TANC2: variants seen among roughly 807,000 people sequenced by gnomAD.
TANC2 encodes tetratricopeptide repeat, ankyrin repeat and coiled-coil containing 2, also known as protein TANC2.
Under a neutral mutation model 210.5 loss-of-function variants are expected in TANC2, and 26 were observed. That is an observed-to-expected ratio of 0.12 (90% CI 0.09 to 0.17). The LOEUF (loss-of-function observed/expected upper bound fraction) is 0.17. Ranked by LOEUF, TANC2 falls within the 10% of genes least tolerant of loss-of-function variation. The pLI is 1.00. For synonymous variants in TANC2, 931 were observed against 967.1 expected (o/e 0.96, Z 0.69); for missense variants, 2,129 against 2,608.9 (o/e 0.82, Z 4.01).
intron 4 of TANC2, chr17:63,120,951 A>G (rs1329160417): frequency 1.3e-5 from 2 of 151,962 alleles, no homozygotes; most frequent in Admixed American, 6.6e-5. Context: ...TAACAATTTC[A>G]AATGTAAACT....
At chr17:63,424,034 T>C (rs1483529605) in exon 28 of TANC2, 1 of 152,220 alleles carries the variant, frequency 6.6e-6, no homozygotes, top group East Asian at 1.9e-4. Context: ...TGCTGGCATC[T>C]TTACATCTTA....
At chr17:63,283,287 G>T (rs926758806) in intron 9 of TANC2, among the ~76,000 whole-genome samples, 4 of 151,828 alleles carry the variant, frequency 2.6e-5, no homozygotes, top group Non-Finnish European at 5.9e-5. Context: ...TAGATATATA[G>T]TTCTATTTCT....
rs998370777 is a variant in TANC2, at chr17:63,421,824, A to C, written c.6094A>C (p.Lys2032Gln). The change falls in exon 28 of 28, where the codon AAG becomes CAG. Residue 2032 changes from lysine (K) to glutamine (Q), a missense_variant. By Grantham distance (53) the Lys-to-Gln change is moderately conservative. Coordinates refer to ENST00000689528, the Ensembl canonical transcript of TANC2. This position sits in a 1 kb window ranked among gnomAD's most constrained non-coding sequence, Gnocchi z 6.9. ...CCAGGCCTCCTCCTATCCCGACGTGAAGGTAGCTCGGACTCTACCTGTGGC... is the reference window on the plus strand; with the variant it reads ...CCAGGCCTCCTCCTATCCCGACGTGCAGGTAGCTCGGACTCTACCTGTGGC... The C allele has an allele frequency of 1.1e-5, 18 of 1,613,904 alleles. No homozygotes were observed. The highest frequency in any genetic ancestry group is 1.4e-5 in the Non-Finnish European group (17 of 1,179,906).
chr17:63,295,239 T>G (rs1165718582), intron 9 of TANC2, among the ~76,000 whole-genome samples: 1 of 152,206 alleles, frequency 6.6e-6, no homozygotes, highest in East Asian at 1.9e-4. Context: ...ACTGGGCTAA[T>G]TTTGTCTGTG....
intron 1 of TANC2, among the ~76,000 whole-genome samples, chr17:62,969,195 C>T (rs2031541734): frequency 1.3e-5 from 2 of 152,242 alleles, no homozygotes; most frequent in African/African-American, 2.4e-5. Context: ...TTGCCAGTCC[C>T]GTTGTACGTT....
chr17:63,099,916 A>C (rs2037560065), intron 4 of TANC2, among the ~76,000 whole-genome samples: 1 of 152,170 alleles, frequency 6.6e-6, no homozygotes, highest in Non-Finnish European at 1.5e-5. Flanking sequence ...ACCCATTTAG[A>C]TCAAGTTGTT....
chr17:63,401,877 A>G (rs1236933272), intron 19 of TANC2, among the ~76,000 whole-genome samples: 1 of 152,128 alleles, frequency 6.6e-6, no homozygotes, highest in African/African-American at 2.4e-5. Flanking sequence ...AACTTACTAG[A>G]TTCCTTTAAT....
intron 17 of TANC2, chr17:63,391,665 A>G (rs1376588214): frequency 1.3e-5 from 2 of 152,024 alleles, no homozygotes; most frequent in Non-Finnish European, 2.9e-5. Context: ...CACCAAATAA[A>G]GCAGCTTTGT....
intron 7 of TANC2, among the ~76,000 whole-genome samples, chr17:63,211,228 T>C (rs1285869620): frequency 1.3e-5 from 2 of 152,206 alleles, no homozygotes; most frequent in Admixed American, 6.5e-5. Context: ...AAACAAAGTC[T>C]GACCATATCA....
intron 5 of TANC2, among the ~76,000 whole-genome samples, chr17:63,193,026 A>G (rs12602505): frequency 0.041 from 6,215 of 152,282 alleles, 153 homozygotes; most frequent in Middle Eastern, 0.079. Flanking sequence ...TTTGCAAAAG[A>G]TTAGTTAGTT....
chr17:63,369,782 T>A (rs2047211739), intron 14 of TANC2, among the ~76,000 whole-genome samples: 1 of 152,034 alleles, frequency 6.6e-6, no homozygotes, highest in Non-Finnish European at 1.5e-5. Flanking sequence ...TTTGTATTTT[T>A]AGTAGAGACG....
At chr17:63,313,583 T>C (rs1048264180) in intron 9 of TANC2, 1 of 151,830 alleles carries the variant, frequency 6.6e-6, no homozygotes, top group African/African-American at 2.4e-5. Flanking sequence ...AAGAGAGATG[T>C]ATAAGCCAAA....
intron 2 of TANC2, among the ~76,000 whole-genome samples, chr17:63,028,367 A>C (rs1305927476): frequency 6.6e-6 from 1 of 152,170 alleles, no homozygotes; most frequent in Non-Finnish European, 1.5e-5. Context: ...AGATTAATAG[A>C]GGAAAAGCAT....
intron 21 of TANC2, among the ~76,000 whole-genome samples, chr17:63,410,195 T>C (rs896922118): frequency 6.6e-6 from 1 of 152,232 alleles, no homozygotes; most frequent in Non-Finnish European, 1.5e-5. Context: ...TTTTCAAGTA[T>C]ATATTGTTAT....
At chr17:63,098,369 G>C (rs1206430106) in intron 3 of TANC2, among the ~76,000 whole-genome samples, 1 of 149,994 alleles carries the variant, frequency 6.7e-6, no homozygotes, top group Non-Finnish European at 1.5e-5. Flanking sequence ...AGTTCTTTGG[G>C]CTTTTAACAA....
chr17:63,050,363 A>G (rs1598315753), intron 2 of TANC2, among the ~76,000 whole-genome samples: 2 of 151,788 alleles, frequency 1.3e-5, no homozygotes, highest in East Asian at 1.9e-4. Context: ...TTTCAAGAAA[A>G]AAAAAAAAAA....
In TANC2 at chr17:63,105,219, T is replaced by C. The variant is rs1049253311; in HGVS notation, c.322+5862T>C. ...ATCTCTGGGATAAAAAATGGCCTGA[T>C]TTTCAAAGTATTTGTTGCCAATAAA... On this transcript the variant is annotated intron_variant, in intron 4 of 27. Transcript: ENST00000689528. 5.3e-5 allele frequency among the ~76,000 whole-genome samples: 8 copies of C among 151,686 alleles called. 1 individual carries two copies. The highest frequency in any genetic ancestry group is 2.0e-4 in the African/African-American group (8 of 40,966).
At chr17:63,398,965 C>CT in intron 19 of TANC2, 51 bp downstream of exon 19, 5 of 1,341,780 alleles carry the variant, frequency 3.7e-6, no homozygotes, top group Non-Finnish European at 5.2e-6. Flanking sequence ...TGTGTGGACT[C>CT]TCGAATCTCA....
intron 4 of TANC2, among the ~76,000 whole-genome samples, chr17:63,134,069 TTATAA>T (rs2039008514): frequency 6.6e-6 from 1 of 152,212 alleles, no homozygotes; most frequent in Non-Finnish European, 1.5e-5. Context: ...TAGTATCCTG[TTATAA>T]TATGTATTCC....
Sources: allele counts gnomAD v4.1 joint callset (sites outside exome capture counted in the v4.1 genomes callset), GRCh38; gene constraint gnomAD v4.1.1; non-coding constraint Gnocchi (gnomAD v3.1); transcripts MANE v1.5; gene names NCBI Gene and HGNC (gene_info 2026-07-23, HGNC 2026-07-21).